The following DLGAP2 variants were observed in gnomAD, a reference collection of about 807,000 sequenced individuals.
The protein encoded by DLGAP2 is DLG associated protein 2, also known as disks large-associated protein 2.
DLGAP2 carries 26 observed loss-of-function variants against 100.3 expected under a neutral mutation model. The observed-to-expected ratio is 0.26, with a 90% CI of 0.19 to 0.36. The LOEUF (loss-of-function observed/expected upper bound fraction) is 0.36. Among genes scored for constraint, DLGAP2 ranks in the 10% least tolerant of loss-of-function variants. The pLI is 1.00. For missense variants in DLGAP2, 1,858 were observed against 1,453.2 expected (o/e 1.28, Z -4.53); for synonymous variants, 886 against 630.1 (o/e 1.41, Z -6.08).
chr8:1,175,928 C>T lies in DLGAP2; in HGVS notation c.74-82923C>T, dbSNP rs1007409699. On this transcript the variant is annotated intron_variant, in intron 2 of 14. Transcript: ENST00000637795. ...GTCGCATCCTCCCTCTCGGCTTTGC[C>T]ATCTGCAAAGTGAGGACAAAGCGAT... Among the ~76,000 whole-genome samples the T allele has an allele frequency of 3.9e-5, 6 of 152,340 alleles. No homozygotes were observed. In the East Asian group the frequency reaches 1.2e-3, roughly 29 times the overall value.
At chr8:1,635,368 T>C (rs1474272339) in intron 8 of DLGAP2, among the ~76,000 whole-genome samples, 2 of 152,258 alleles carry the variant, frequency 1.3e-5, no homozygotes, top group African/African-American at 2.4e-5. Flanking sequence ...CAAAGTTTCC[T>C]GTCCGTGAGT....
intron 6 of DLGAP2, among the ~76,000 whole-genome samples, chr8:1,610,811 C>T (rs1189039461): frequency 8.0e-6 from 1 of 124,802 alleles, no homozygotes; most frequent in South Asian, 2.5e-4. Context: ...AATTGCTCGA[C>T]ACATACACTG....
At chr8:1,390,297 C>T (rs893655289) in intron 3 of DLGAP2, among the ~76,000 whole-genome samples, 29 of 152,334 alleles carry the variant, frequency 1.9e-4, no homozygotes, top group South Asian at 1.7e-3. Flanking sequence ...ACCTACACAA[C>T]GCTGTGGTGT....
intron 3 of DLGAP2, among the ~76,000 whole-genome samples, chr8:1,481,906 T>G (rs1002173311): frequency 1.3e-5 from 2 of 152,214 alleles, no homozygotes; most frequent in Non-Finnish European, 2.9e-5. Context: ...AGGCTCAAGC[T>G]TCCAGCCCGA....
At chr8:1,653,712 C>A (rs1182855595) in intron 8 of DLGAP2, among the ~76,000 whole-genome samples, 1 of 151,178 alleles carries the variant, frequency 6.6e-6, no homozygotes, top group South Asian at 2.1e-4. Context: ...TTTGCTTGGG[C>A]TGTGAACTGC....
At chr8:1,325,653 C>G (rs1234593697) in intron 3 of DLGAP2, among the ~76,000 whole-genome samples, 1 of 152,178 alleles carries the variant, frequency 6.6e-6, no homozygotes, top group Non-Finnish European at 1.5e-5. Context: ...GGAGCAGCCT[C>G]CAGCAGTGAT....
intron 4 of DLGAP2, among the ~76,000 whole-genome samples, chr8:1,515,294 A>G (rs958820639): frequency 1.3e-5 from 2 of 152,322 alleles, no homozygotes; most frequent in South Asian, 2.1e-4. Context: ...CAGAGAAACC[A>G]TCATGGAGGC....
At chr8:738,126 A>G (rs1211772059) in intron 1 of DLGAP2, 2 of 182,916 alleles carry the variant, frequency 1.1e-5, no homozygotes, top group Admixed American at 6.3e-5. Context: ...GAGGTGTGAA[A>G]TTCTCCGCTC....
intron 6 of DLGAP2, chr8:1,604,491 T>A (rs576863809): frequency 6.6e-6 from 1 of 152,302 alleles, no homozygotes; most frequent in South Asian, 2.1e-4. Flanking sequence ...GACCTCACCC[T>A]TCTAAATTCC....
intron 2 of DLGAP2, among the ~76,000 whole-genome samples, chr8:972,252 G>A (rs891302947): frequency 3.3e-5 from 5 of 152,078 alleles, no homozygotes; most frequent in African/African-American, 9.7e-5. Context: ...ATCATGCAAC[G>A]AAAAACCTAC....
intron 6 of DLGAP2, among the ~76,000 whole-genome samples, chr8:1,582,141 C>CA (rs1176396532): frequency 7.7e-6 from 1 of 130,542 alleles, no homozygotes. Context: ...AGATAAAACC[C>CA]CACACATGTA....
At chr8:1,322,135 C>T (rs747628582) in intron 3 of DLGAP2, among the ~76,000 whole-genome samples, 5 of 152,052 alleles carry the variant, frequency 3.3e-5, no homozygotes, top group African/African-American at 1.2e-4. Context: ...TAAGTGAATA[C>T]CTATTTTTTT....
chr8:988,396 A>T (rs1296255258), intron 2 of DLGAP2, among the ~76,000 whole-genome samples: 2 of 152,150 alleles, frequency 1.3e-5, no homozygotes, highest in African/African-American at 2.4e-5. Context: ...TGCAGGTAAC[A>T]CTCAGCCTTA....
chr8:980,911 T>C (rs1283999984), intron 2 of DLGAP2, among the ~76,000 whole-genome samples: 1 of 152,188 alleles, frequency 6.6e-6, no homozygotes, highest in Non-Finnish European at 1.5e-5. Flanking sequence ...ATTCGTGTGA[T>C]AGTGGCAAAA....
At chr8:1,174,905 G>A (rs1797221043) in intron 2 of DLGAP2, among the ~76,000 whole-genome samples, 1 of 152,150 alleles carries the variant, frequency 6.6e-6, no homozygotes, top group Admixed American at 6.6e-5. Flanking sequence ...GCAGGAGGCA[G>A]CTCTGAGAGA....
At chr8:1,178,682 A>AG in intron 2 of DLGAP2, among the ~76,000 whole-genome samples, 1 of 152,258 alleles carries the variant, frequency 6.6e-6, no homozygotes, top group Non-Finnish European at 1.5e-5. Flanking sequence ...GATTTTGGGA[A>AG]GTGCACAAAA....
chr8:867,663 C>T (rs565684323), intron 1 of DLGAP2, among the ~76,000 whole-genome samples: 2 of 152,312 alleles, frequency 1.3e-5, no homozygotes, highest in South Asian at 2.1e-4. Flanking sequence ...GGTGTAGCCT[C>T]ATGATTTAAT....
chr8:1,042,415 C>G (rs565681112), intron 2 of DLGAP2, among the ~76,000 whole-genome samples: 1 of 152,326 alleles, frequency 6.6e-6, no homozygotes, highest in African/African-American at 2.4e-5. Context: ...TAACATCTGA[C>G]CTTGAATCTG....
chr8:1,231,344 C>T (rs1372882065), intron 2 of DLGAP2, among the ~76,000 whole-genome samples: 1 of 152,172 alleles, frequency 6.6e-6, no homozygotes, highest in East Asian at 1.9e-4. Context: ...ACAACAGATG[C>T]TGGTGAGGGT....
Sources: allele counts gnomAD v4.1 joint callset (sites outside exome capture counted in the v4.1 genomes callset), GRCh38; gene constraint gnomAD v4.1.1; transcripts MANE v1.5; gene names NCBI Gene and HGNC (gene_info 2026-07-23, HGNC 2026-07-21).